SERPINB4: variants seen among roughly 807,000 people sequenced by gnomAD.
SERPINB4 encodes serpin family B member 4.
In SERPINB4, 39 loss-of-function variants were observed where a neutral mutation model predicts 33.2. That is an observed-to-expected ratio of 1.18 (90% confidence interval 0.91 to 1.53). The LOEUF is 1.53. SERPINB4 is among the 40% of genes most tolerant of loss of function. SERPINB4 has a pLI of 0.00. For missense variants in SERPINB4, 564 were observed against 455.4 expected (o/e 1.24, Z -2.17); for synonymous variants, 191 against 166.4 (o/e 1.15, Z -1.14).
Position 63,642,895 on chromosome 18 carries a change from T to C in SERPINB4, c.222+266A>G. 4.3e-6 allele frequency: 2 copies of C among 460,702 alleles called. 1 individual carries two copies. The highest frequency in any genetic ancestry group is 7.8e-6 in the Non-Finnish European group (2 of 255,612). The allele number at this position is 460,702 out of a possible 1,614,324, so 28.5% of individuals were successfully genotyped here. ...AGTTGTGTCCTGCTCTTATTCATCA[T>C]TTGTGAAGAGCAAAGCTGGAGTCTG... is the stretch of plus-strand genomic sequence containing the variant. On this transcript the variant is annotated intron_variant, in intron 3 of 7. Coordinates refer to ENST00000341074, the MANE Select transcript of SERPINB4 (RefSeq NM_002974.4).
intron 5 of SERPINB4, among the ~76,000 whole-genome samples, chr18:63,640,666 C>T (rs1436932941): frequency 6.6e-6 from 1 of 151,964 alleles, no homozygotes; most frequent in Admixed American, 6.6e-5. Flanking sequence ...GATGTGTTTC[C>T]ATCTAATTGG....
In SERPINB4 at chr18:63,643,235, C is replaced by T. The variant is rs532860558; in HGVS notation, c.166-18G>A. 1.7e-5 allele frequency: 27 copies of T among 1,613,162 alleles called. No homozygotes were observed. Among genetic ancestry groups the T allele is most frequent in the South Asian group, 1.1e-4 (10 of 91,044 alleles). On this transcript the variant is annotated intron_variant, in intron 2 of 7. Transcript: ENST00000341074. ...TGAAGAACCTGGAAGAGACATGAAG[C>T]GGGACAAGAAAACTTTACTCAAAAG...
Position 63,643,502 on chromosome 18 carries a change from T to A in SERPINB4, c.76A>T (p.Asn26Tyr), listed in dbSNP as rs1333416723. Residue 26 changes from asparagine (N) to tyrosine (Y), a missense_variant, in exon 2 of 8, where the codon AAC becomes TAC. Coordinates refer to ENST00000341074, the MANE Select transcript of SERPINB4 (RefSeq NM_002974.4). ...FQQFRKSKEN[N>Y]IFYSPISITS... is the part of the protein sequence containing the mutation. ...ATGCTGATAGGGGAATAGAAGATGT[T>A]GTTCTCTTTTGATTTTCTGAACTGT... is the stretch of plus-strand genomic sequence containing the variant. The A allele has an allele frequency of 6.2e-7, 1 of 1,613,776 alleles. No individual in the cohort carries two copies. The highest frequency in any genetic ancestry group is 1.7e-5 in the Admixed American group (1 of 59,992).
chr18:63,638,176 A>T, intron 7 of SERPINB4, 53 bp from the exon 8 acceptor site: 1 of 1,550,450 alleles, frequency 6.4e-7, no homozygotes, highest in Non-Finnish European at 8.7e-7. Context: ...TCTCTAATAC[A>T]CCTTAACAAT....
intron 2 of SERPINB4, 23 bp from the exon 3 acceptor site, chr18:63,643,240 C>A (rs1307995218): frequency 1.9e-6 from 3 of 1,613,174 alleles, no homozygotes; most frequent in Non-Finnish European, 2.5e-6. Context: ...TGAAGCGGGA[C>A]AAGAAAACTT....
chr18:63,640,222 A>G (rs1434341691), intron 5 of SERPINB4, among the ~76,000 whole-genome samples: 1 of 151,870 alleles, frequency 6.6e-6, no homozygotes, highest in Non-Finnish European at 1.5e-5. Flanking sequence ...GCTCTGTAAT[A>G]TGAAACGCAT....
At chr18:63,642,494 A>C (rs77762507) in intron 3 of SERPINB4, among the ~76,000 whole-genome samples, 1 of 151,966 alleles carries the variant, frequency 6.6e-6, no homozygotes, top group African/African-American at 2.4e-5. Flanking sequence ...GGGGAAAAAA[A>C]CCCTGTTTAT....
At position 63,637,633 on chromosome 18, in the gene SERPINB4, C is replaced by G; in HGVS notation, c.*86G>C. On this transcript the variant is annotated 3_prime_UTR_variant, in exon 8 of 8. Coordinates refer to ENST00000341074, the MANE Select transcript of SERPINB4 (RefSeq NM_002974.4). ...GATGAGATAGAAAAGAAATATGAGC[C>G]AAGAGAATCTGTTGTTGCCAGCAAT... The G allele has an allele frequency of 7.4e-7, 1 of 1,359,464 alleles. No homozygotes were observed. Among genetic ancestry groups the G allele is most frequent in the Non-Finnish European group, 1.0e-6 (1 of 998,280 alleles). The allele number at this position is 1,359,464 out of a possible 1,614,324, so 84.2% of individuals were successfully genotyped here. A position where few individuals can be genotyped will look rare whatever the true frequency, so the allele number is the denominator to read the frequency against.
Position 63,637,695 on chromosome 18 carries a change from A to C in SERPINB4, c.*24T>G. 1 of 1,565,272 alleles carries C rather than the reference A, an allele frequency of 6.4e-7. No homozygotes were observed. Among genetic ancestry groups the C allele is most frequent in the Non-Finnish European group, 8.7e-7 (1 of 1,156,006 alleles). On this transcript the variant is annotated 3_prime_UTR_variant, in exon 8 of 8. Coordinates refer to ENST00000341074, the MANE Select transcript of SERPINB4 (RefSeq NM_002974.4). The stretch of plus-strand genomic sequence containing the variant: ...AACACCTCTAGGTGAACATTTTCTA[A>C]ATGGAGTGACAGACTAATTGCATCT...
Position 63,643,206 on chromosome 18 carries a change from A to G in SERPINB4, c.177T>C (p.Phe59=). ...CTGTGGTGTTCTCTGTGACTTGATCAAAGTGAAGAACCTGGAAGAGACATG... is the reference window on the plus strand; with the variant it reads ...CTGTGGTGTTCTCTGTGACTTGATCGAAGTGAAGAACCTGGAAGAGACATG... ...TAQQISKVLH[F]DQVTENTTEK... The change falls in exon 3 of 8, where the codon TTT becomes TTC. Residue 59 remains phenylalanine, a synonymous_variant. Transcript: ENST00000341074. 1.9e-6 allele frequency: 3 copies of G among 1,613,432 alleles called. No homozygotes were observed. The highest frequency in any genetic ancestry group is 1.1e-5 in the South Asian group (1 of 91,066).
In SERPINB4 at chr18:63,643,794, C is replaced by T. The variant is rs112107333; in HGVS notation, c.-26-191G>A. ...ATATATTAATGTCCTAATTAGAAGG[C>T]TTACAAAACTACGTTTTTAAAGACT... is the stretch of plus-strand genomic sequence containing the variant. On this transcript the variant is annotated intron_variant, in intron 1 of 7. Coordinates refer to ENST00000341074, the MANE Select transcript of SERPINB4 (RefSeq NM_002974.4). Among the ~76,000 whole-genome samples, 35 of 152,246 alleles carry T rather than the reference C, an allele frequency of 2.3e-4. 1 individual carries two copies. The highest frequency in any genetic ancestry group is 7.2e-4 in the African/African-American group (30 of 41,558).
At chr18:63,642,647 C>A (rs1347831569) in intron 3 of SERPINB4, among the ~76,000 whole-genome samples, 1 of 152,060 alleles carries the variant, frequency 6.6e-6, no homozygotes, top group African/African-American at 2.4e-5. Flanking sequence ...TATACTTGGA[C>A]TTGTGCTTAT....
chr18:63,637,864 G>A lies in SERPINB4; in HGVS notation c.1028C>T (p.Ala343Val), dbSNP rs1421549812. The A allele has an allele frequency of 1.9e-6, 3 of 1,613,438 alleles. No individual in the cohort carries two copies. In the South Asian group the frequency reaches 3.3e-5, roughly 18 times the overall value. ...TACTACTACAGCGGTGGCAGCTGCA[G>A]CTTCCACTCCCTCCTCAGTGACCTC... ...FVEVTEEGVEAAAATAVVVVE... is the reference protein window; with the variant it reads ...FVEVTEEGVEVAAATAVVVVE... The change falls in exon 8 of 8, where the codon GCT becomes GTT. Residue 343 changes from alanine to valine, a missense_variant. Physicochemically the swap from Ala to Val is moderately conservative, Grantham distance 64. Transcript: ENST00000341074.
intron 6 of SERPINB4, 21 bp downstream of exon 6, chr18:63,639,613 T>C: frequency 1.4e-6 from 2 of 1,439,638 alleles, no homozygotes; most frequent in South Asian, 1.2e-5. Flanking sequence ...TTACACTATA[T>C]AAATAAAATA....
At position 63,637,729 on chromosome 18, in the gene SERPINB4, G is replaced by A. The variant is rs866070485; in HGVS notation, c.1163C>T (p.Ser388Leu). ...TNSILFYGRF[S>L]SP ...ACAGACTAATTGCATCTATGGGGAT[G>A]AGAATCTGCCATAGAAGAGGATGCT... The change falls in exon 8 of 8, where the codon TCA (serine) becomes TTA (leucine). Residue 388 changes from serine (S) to leucine (L), a missense_variant. Coordinates refer to ENST00000341074, the MANE Select transcript of SERPINB4 (RefSeq NM_002974.4). 2 of 1,604,806 alleles carry A rather than the reference G, an allele frequency of 1.2e-6. No individual in the cohort carries two copies. The highest frequency in any genetic ancestry group is 1.7e-6 in the Non-Finnish European group (2 of 1,175,056).
At chr18:63,639,452 C>G in intron 6 of SERPINB4, 112 bp from the exon 7 acceptor site, 1 of 1,186,450 alleles carries the variant, frequency 8.4e-7, no homozygotes, top group Non-Finnish European at 1.2e-6. Context: ...CCCAGGAATT[C>G]CATGAGTTAG....
In SERPINB4 at chr18:63,641,824, G is replaced by A. The variant is rs763471422; in HGVS notation, c.287C>T (p.Thr96Ile). Residue 96 changes from threonine to isoleucine, a missense_variant, in exon 4 of 8, where the codon ACT becomes ATT. Thr to Ile is a moderately conservative substitution (Grantham distance 89). Coordinates refer to ENST00000341074, the MANE Select transcript of SERPINB4 (RefSeq NM_002974.4). The part of the protein sequence containing the change: ...QKLLTEFNKS[T>I]DAYELKIANK... Reference sequence around the variant, plus strand: ...GGCGATCTTCAGCTCATATGCATCAGTGGATTTGTTGAATTCAGTCAGAAG... The same window carrying A: ...GGCGATCTTCAGCTCATATGCATCAATGGATTTGTTGAATTCAGTCAGAAG... 34 of 1,613,480 alleles carry A rather than the reference G, an allele frequency of 2.1e-5. No individual in the cohort carries two copies. The highest frequency in any genetic ancestry group is 1.7e-4 in the Middle Eastern group (1 of 6,048).
chr18:63,640,155 C>T (rs1047567344), intron 5 of SERPINB4, among the ~76,000 whole-genome samples: 13 of 151,866 alleles, frequency 8.6e-5, no homozygotes, highest in East Asian at 3.9e-4. Context: ...TTTTTAACTA[C>T]GGGGTCCCCA....
intron 1 of SERPINB4, 86 bp from the exon 2 acceptor site, chr18:63,643,689 T>C: frequency 4.2e-6 from 6 of 1,433,050 alleles, no homozygotes; most frequent in Non-Finnish European, 5.7e-6. Flanking sequence ...AAATGATATA[T>C]CTGGGTTGTG....
Sources: gnomAD v4.1 joint callset for allele counts (sites outside exome capture counted in the v4.1 genomes callset) on GRCh38, gnomAD v4.1.1 for gene constraint, MANE v1.5 for transcripts, NCBI Gene and HGNC (gene_info 2026-07-23, HGNC 2026-07-21) for gene names.